Variants in GTF2A2 observed in about 807,000 individuals in gnomAD.
The protein encoded by GTF2A2 is general transcription factor IIA subunit 2.
A neutral mutation model predicts 14.3 loss-of-function variants in GTF2A2; 9 were observed. That is an observed-to-expected ratio of 0.63 (90% CI 0.38 to 1.10). GTF2A2 has a LOEUF of 1.10. Ranked by LOEUF, GTF2A2 falls within the 50% of genes least tolerant of loss-of-function variation. GTF2A2 has a pLI of 0.01. For synonymous variants in GTF2A2, 56 were observed against 46.0 expected (o/e 1.22, Z -0.88); for missense variants, 90 against 124.6 (o/e 0.72, Z 1.32).
At chr15:59,640,643 G>C (rs962737502) in intron 4 of GTF2A2, among the ~76,000 whole-genome samples, 7 of 152,140 alleles carry the variant, frequency 4.6e-5, no homozygotes, top group African/African-American at 1.2e-4. Flanking sequence ...AGCAGTACTG[G>C]TGTATGTCAT....
At chr15:59,652,038 G>C (rs765860748) in intron 2 of GTF2A2, 168 bp downstream of exon 2, 3 of 552,516 alleles carry the variant, frequency 5.4e-6, no homozygotes, top group Non-Finnish European at 9.6e-6. Flanking sequence ...CCTGTTGTCA[G>C]GACAGTGTAA....
chr15:59,640,609 T>C (rs1452177923), intron 4 of GTF2A2, among the ~76,000 whole-genome samples: 2 of 152,216 alleles, frequency 1.3e-5, no homozygotes, highest in Non-Finnish European at 2.9e-5. Flanking sequence ...CAACAGAACA[T>C]GTCCGTGCTA....
intron 3 of GTF2A2, among the ~76,000 whole-genome samples, chr15:59,648,232 T>C (rs1051382855): frequency 6.6e-5 from 10 of 150,904 alleles, no homozygotes; most frequent in Non-Finnish European, 3.0e-5. Flanking sequence ...CATAGTGAAA[T>C]CCCATCTCTT....
At chr15:59,646,134 G>A (rs1439529859) in intron 3 of GTF2A2, among the ~76,000 whole-genome samples, 1 of 151,932 alleles carries the variant, frequency 6.6e-6, no homozygotes, top group East Asian at 1.9e-4. Flanking sequence ...TTGGCTCACT[G>A]CAACCTCCAC....
intron 2 of GTF2A2, chr15:59,651,454 G>C (rs1266229461): frequency 1.3e-5 from 2 of 152,278 alleles, no homozygotes; most frequent in East Asian, 3.8e-4. Context: ...TGGGATTACA[G>C]TCATGAGCCA....
In GTF2A2 at chr15:59,638,244, T is replaced by G. The variant is rs1465988219; in HGVS notation, c.*888A>C. The G allele has an allele frequency of 2.0e-5, 3 of 152,064 alleles. No individual in the cohort carries two copies. Among genetic ancestry groups the G allele is most frequent in the Admixed American group, 6.6e-5 (1 of 15,256 alleles). 9.4% of individuals were successfully genotyped at this position (152,064 alleles called of 1,614,324 possible). A position where few individuals can be genotyped will look rare whatever the true frequency, so the allele number is the denominator to read the frequency against. The stretch of plus-strand genomic sequence containing the variant: ...TTAATGTGAGAGTCAAGGACTACAG[T>G]GGCATGCTGAGGTAACAACTGCAGG... On this transcript the variant is annotated 3_prime_UTR_variant, in exon 5 of 5. Transcript: ENST00000396060.
chr15:59,649,461 A>C (rs935534330), intron 3 of GTF2A2, among the ~76,000 whole-genome samples: 1 of 152,224 alleles, frequency 6.6e-6, no homozygotes, highest in Non-Finnish European at 1.5e-5. Context: ...CTTGCCTCTG[A>C]TAAGTAGTCC....
At chr15:59,642,368 T>C (rs1261270435) in intron 3 of GTF2A2, 106 bp from the exon 4 acceptor site, 2 of 939,502 alleles carry the variant, frequency 2.1e-6, no homozygotes, top group East Asian at 2.9e-5. Context: ...ATAAGTTTAA[T>C]GCTTAGCTTA....
At chr15:59,646,564 T>G (rs1829562270) in intron 3 of GTF2A2, among the ~76,000 whole-genome samples, 1 of 152,228 alleles carries the variant, frequency 6.6e-6, no homozygotes, top group Non-Finnish European at 1.5e-5. Context: ...GTATTCACTT[T>G]CAAATATAAA....
intron 4 of GTF2A2, 96 bp downstream of exon 4, chr15:59,642,040 T>C: frequency 9.2e-7 from 1 of 1,085,992 alleles, no homozygotes; most frequent in Non-Finnish European, 1.3e-6. Context: ...ATAGGGCCAT[T>C]TTACCCGTTA....
rs935600694 is a variant in GTF2A2, at chr15:59,649,314, C to T, written c.177+1355G>A. On this transcript the variant is annotated intron_variant, in intron 3 of 4. Coordinates refer to ENST00000396060, the MANE Select transcript of GTF2A2 (RefSeq NM_004492.3). Reference sequence around the variant, plus strand: ...CTGAGAGCAATTATTTATAGCTTTTCGAAAATAGACAAACTCACAAAACAC... The same window carrying T: ...CTGAGAGCAATTATTTATAGCTTTTTGAAAATAGACAAACTCACAAAACAC... 4.6e-5 allele frequency among the ~76,000 whole-genome samples: 7 copies of T among 152,194 alleles called. No individual in the cohort carries two copies. In the South Asian group the frequency reaches 1.0e-3, roughly 23 times the overall value.
chr15:59,650,964 C>T (rs1351724062), intron 2 of GTF2A2, among the ~76,000 whole-genome samples, 191 bp from the exon 3 acceptor site: 3 of 152,178 alleles, frequency 2.0e-5, no homozygotes, highest in Admixed American at 6.5e-5. Context: ...ACTATCTTGA[C>T]ACAAACAATC....
intron 3 of GTF2A2, among the ~76,000 whole-genome samples, chr15:59,648,683 C>T (rs1891693527): frequency 6.6e-6 from 1 of 151,956 alleles, no homozygotes; most frequent in Admixed American, 6.6e-5. Context: ...GCCTGTAATC[C>T]CAGCACTTTG....
chr15:59,642,965 C>G (rs1014926686), intron 3 of GTF2A2, among the ~76,000 whole-genome samples: 1 of 151,928 alleles, frequency 6.6e-6, no homozygotes, highest in African/African-American at 2.4e-5. Flanking sequence ...TGGTGTTTCA[C>G]CATGTTGGCC....
chr15:59,656,097 T>C (rs1891934934), intron 1 of GTF2A2, among the ~76,000 whole-genome samples: 1 of 152,218 alleles, frequency 6.6e-6, no homozygotes, highest in Admixed American at 6.5e-5. Flanking sequence ...AAATCTCCCA[T>C]GGCTTCTATC....
At chr15:59,648,023 GTTAATTACTGTTC>G (rs1333834858) in intron 3 of GTF2A2, among the ~76,000 whole-genome samples, 2 of 152,098 alleles carry the variant, frequency 1.3e-5, no homozygotes, top group Non-Finnish European at 2.9e-5. Flanking sequence ...TTTAACGCTT[GTTAATTACTGTTC>G]GAGGCTCAAC....
intron 3 of GTF2A2, among the ~76,000 whole-genome samples, chr15:59,650,262 G>T (rs1891751529): frequency 6.6e-6 from 1 of 152,198 alleles, no homozygotes; most frequent in Non-Finnish European, 1.5e-5. Context: ...GAGGCAACAT[G>T]AAGTTTCTAG....
chr15:59,653,558 G>C (rs542923095), intron 1 of GTF2A2, among the ~76,000 whole-genome samples: 1 of 152,060 alleles, frequency 6.6e-6, no homozygotes, highest in Non-Finnish European at 1.5e-5. Flanking sequence ...TCCCTGACTT[G>C]TAACTGTTGA....
At chr15:59,650,890 A>G (rs1335678880) in intron 2 of GTF2A2, 117 bp from the exon 3 acceptor site, 24 of 610,268 alleles carry the variant, frequency 3.9e-5, no homozygotes, top group African/African-American at 7.4e-5. Context: ...CCTCTAAACT[A>G]GAATTCCTTT....
Sources: gnomAD v4.1 joint callset for allele counts (sites outside exome capture counted in the v4.1 genomes callset) on GRCh38, gnomAD v4.1.1 for gene constraint, MANE v1.5 for transcripts, NCBI Gene and HGNC (gene_info 2026-07-23, HGNC 2026-07-21) for gene names.